Variants in STK10 observed in about 807,000 individuals in gnomAD.
STK10 encodes serine/threonine-protein kinase 10.
STK10 carries 78 observed loss-of-function variants against 113.8 expected under a neutral mutation model. That is an observed-to-expected ratio of 0.69 (90% confidence interval 0.57 to 0.83). The LOEUF is 0.83. STK10 is among the 40% of genes least tolerant of loss of function. The probability of loss-of-function intolerance (pLI) is 0.00; values close to 1 mark genes in which losing one functional copy is unlikely to be tolerated. For synonymous variants in STK10, 465 were observed against 494.7 expected (o/e 0.94, Z 0.80); for missense variants, 1,109 against 1,280.1 (o/e 0.87, Z 2.04).
At chr5:172,146,727 C>T (rs1345312723) in intron 2 of STK10, among the ~76,000 whole-genome samples, 1 of 152,232 alleles carries the variant, frequency 6.6e-6, no homozygotes, top group African/African-American at 2.4e-5. Context: ...TAAAGGGCCA[C>T]ACCAATTCAA....
At chr5:172,112,490 C>T (rs184206374) in intron 4 of STK10, among the ~76,000 whole-genome samples, 87 of 138,288 alleles carry the variant, frequency 6.3e-4, no homozygotes, top group African/African-American at 2.2e-3. Context: ...GTGTGATCTT[C>T]GCTCACTGCA....
rs771473713 is a variant in STK10, at chr5:172,117,634, G to A, written c.371-4C>T. 2 of 1,613,914 alleles carry A rather than the reference G, an allele frequency of 1.2e-6. No homozygotes were observed. The highest frequency in any genetic ancestry group is 8.5e-7 in the Non-Finnish European group (1 of 1,179,964). ...TCCGTGAGGCCTCTGTCCAGCTCTG[G>A]AAATGGAGGAGAACGGCTGTCAATT... On this transcript the variant is annotated splice_region_variant and splice_polypyrimidine_tract_variant and intron_variant, in intron 3 of 18. Transcript: ENST00000176763.
intron 8 of STK10, among the ~76,000 whole-genome samples, chr5:172,095,793 C>T (rs1768835390): frequency 6.6e-6 from 1 of 152,232 alleles, no homozygotes; most frequent in Non-Finnish European, 1.5e-5. Context: ...CAGGGAGCCA[C>T]CGGGATGGCC....
chr5:172,112,250 TAGA>T (rs1769252003), intron 4 of STK10, among the ~76,000 whole-genome samples: 1 of 152,124 alleles, frequency 6.6e-6, no homozygotes, highest in Non-Finnish European at 1.5e-5. Context: ...GGTACTCCAG[TAGA>T]AGATTATCTT....
chr5:172,177,548 C>T (rs962252240), intron 1 of STK10, among the ~76,000 whole-genome samples: 2 of 152,200 alleles, frequency 1.3e-5, no homozygotes, highest in Admixed American at 6.5e-5. Flanking sequence ...ATGTCACTAT[C>T]GAGCACCTGA....
At chr5:172,084,681 T>TA (rs1394467752) in intron 10 of STK10, among the ~76,000 whole-genome samples, 3 of 151,834 alleles carry the variant, frequency 2.0e-5, no homozygotes, top group Admixed American at 2.0e-4. Flanking sequence ...TTTTTTTTTT[T>TA]AATTTCGAAC....
At chr5:172,087,646 G>A (rs1447905877) in intron 10 of STK10, among the ~76,000 whole-genome samples, 7 of 132,256 alleles carry the variant, frequency 5.3e-5, no homozygotes, top group African/African-American at 2.3e-4. Flanking sequence ...TTTTGAGACG[G>A]AGTCTCGCTC....
At chr5:172,179,323 C>T (rs994269625) in intron 1 of STK10, among the ~76,000 whole-genome samples, 1 of 152,148 alleles carries the variant, frequency 6.6e-6, no homozygotes, top group Non-Finnish European at 1.5e-5. Flanking sequence ...TCCTACTGAG[C>T]CCCAAATCTC....
In STK10 at chr5:172,093,345, A is replaced by T; in HGVS notation, c.1554+67T>A. On this transcript the variant is annotated intron_variant, in intron 9 of 18. Coordinates refer to ENST00000176763, the MANE Select transcript of STK10 (RefSeq NM_005990.4). The surrounding 1 kb of genome is among the most constrained non-coding windows in gnomAD (Gnocchi z 4.1). ...GAAGCCCCTAAATGCTTTTGAAACC[A>T]AAATGGAGCCACAGAACATCCTGCA... 6.6e-7 allele frequency: 1 copy of T among 1,506,264 alleles called. No homozygotes were observed. Among genetic ancestry groups the T allele is most frequent in the South Asian group, 1.3e-5 (1 of 74,788 alleles). 93.3% of individuals were successfully genotyped at this position (1,506,264 alleles called of 1,614,324 possible).
chr5:172,060,546 T>A (rs75026881), intron 14 of STK10, among the ~76,000 whole-genome samples: 2,653 of 152,298 alleles, frequency 0.017, 33 homozygotes, highest in African/African-American at 0.024. Flanking sequence ...AGAGAGTAAG[T>A]CCTCTCCAGA....
At chr5:172,084,040 G>C (rs191089076) in intron 10 of STK10, among the ~76,000 whole-genome samples, 4 of 151,388 alleles carry the variant, frequency 2.6e-5, no homozygotes, top group Non-Finnish European at 5.9e-5. Flanking sequence ...TTGATATGAT[G>C]GAATTCTATA....
chr5:172,078,409 T>C (rs1768357265), intron 12 of STK10, among the ~76,000 whole-genome samples: 2 of 151,384 alleles, frequency 1.3e-5, no homozygotes. Flanking sequence ...ATCCCAACAG[T>C]TTGGGAGGCC....
At chr5:172,144,249 G>A (rs1236501421) in intron 2 of STK10, among the ~76,000 whole-genome samples, 2 of 152,230 alleles carry the variant, frequency 1.3e-5, no homozygotes, top group Non-Finnish European at 2.9e-5. Flanking sequence ...GCCTAGCTGT[G>A]TAGCCACGGG....
intron 18 of STK10, among the ~76,000 whole-genome samples, chr5:172,048,866 C>T (rs887932144): frequency 7.9e-5 from 12 of 152,126 alleles, no homozygotes; most frequent in Non-Finnish European, 1.5e-4. Flanking sequence ...TATCACCTCC[C>T]ACCGTCACCA....
chr5:172,188,151 G>A lies in STK10; in HGVS notation c.-109C>T, dbSNP rs1770995629. The A allele has an allele frequency of 6.7e-7, 1 of 1,483,336 alleles. No individual in the cohort carries two copies. Among genetic ancestry groups the A allele is most frequent in the South Asian group, 1.3e-5 (1 of 75,040 alleles). The allele number at this position is 1,483,336 out of a possible 1,614,324, so 91.9% of individuals were successfully genotyped here. A position where few individuals can be genotyped will look rare whatever the true frequency, so the allele number is the denominator to read the frequency against. Reference sequence around the variant, plus strand: ...GTTGGAGGACGCCGCGTCTCTCGGGGTTCTCCCCAGACCCGCCTTTCCCCG... The same window carrying A: ...GTTGGAGGACGCCGCGTCTCTCGGGATTCTCCCCAGACCCGCCTTTCCCCG... On this transcript the variant is annotated 5_prime_UTR_variant, in exon 1 of 19. Coordinates refer to ENST00000176763, the MANE Select transcript of STK10 (RefSeq NM_005990.4). The surrounding 1 kb of genome is among the most constrained non-coding windows in gnomAD (Gnocchi z 5.6).
intron 2 of STK10, among the ~76,000 whole-genome samples, chr5:172,151,955 C>T (rs555121291): frequency 6.6e-6 from 1 of 152,370 alleles, no homozygotes; most frequent in African/African-American, 2.4e-5. Flanking sequence ...ATTCCCTCTA[C>T]CTGGCACTTT....
intron 12 of STK10, among the ~76,000 whole-genome samples, chr5:172,069,057 A>AAC (rs148550014): frequency 2.4e-4 from 37 of 151,720 alleles, no homozygotes; most frequent in African/African-American, 7.2e-4. Flanking sequence ...ATTAAACACA[A>AAC]ACACACACAC....
chr5:172,167,788 G>A (rs895144774), intron 1 of STK10, among the ~76,000 whole-genome samples: 2 of 152,178 alleles, frequency 1.3e-5, no homozygotes, highest in African/African-American at 4.8e-5. Flanking sequence ...AACAGAGCAG[G>A]TACATACAGA....
chr5:172,138,560 T>C (rs896231520), intron 2 of STK10, among the ~76,000 whole-genome samples: 1 of 152,178 alleles, frequency 6.6e-6, no homozygotes, highest in Admixed American at 6.5e-5. Flanking sequence ...TGTTTCTACA[T>C]ACTAACAATG....
Sources: gnomAD v4.1 joint callset for allele counts (sites outside exome capture counted in the v4.1 genomes callset) on GRCh38, gnomAD v4.1.1 for gene constraint, Gnocchi (gnomAD v3.1) non-coding constraint, MANE v1.5 for transcripts, NCBI Gene and HGNC (gene_info 2026-07-23, HGNC 2026-07-21) for gene names.